ASPSCR1: variants seen among roughly 807,000 people sequenced by gnomAD.
The protein encoded by ASPSCR1 is ASPSCR1 tether for SLC2A4, UBX domain containing.
A neutral mutation model predicts 68.9 loss-of-function variants in ASPSCR1; 55 were observed. The ratio of observed to expected loss-of-function variants is 0.80; its 90% CI spans 0.64 to 1.00. ASPSCR1 has a LOEUF of 1.00. Among genes scored for constraint, ASPSCR1 ranks in the 50% least tolerant of loss-of-function variants. ASPSCR1 has a pLI of 0.00. For synonymous variants in ASPSCR1, 352 were observed against 332.6 expected, an observed-to-expected ratio of 1.06 and a Z score of -0.63; for missense variants, 765 against 762.2, an observed-to-expected ratio of 1.00 and a Z score of -0.04.
intron 2 of ASPSCR1, 57 bp downstream of exon 2, chr17:81,979,296 G>C: frequency 1.3e-6 from 2 of 1,564,786 alleles, no homozygotes; most frequent in East Asian, 4.5e-5. Flanking sequence ...CCTGCCCCCT[G>C]AACATACTGG....
In ASPSCR1 at chr17:81,983,052, C is replaced by T. The variant is rs986762644; in HGVS notation, c.159-502C>T. 1.3e-5 allele frequency among the ~76,000 whole-genome samples: 2 copies of T among 152,176 alleles called. No individual in the cohort carries two copies. Among genetic ancestry groups the T allele is most frequent in the Admixed American group, 6.5e-5 (1 of 15,270 alleles). On this transcript the variant is annotated intron_variant, in intron 2 of 15. Transcript: ENST00000306739. The surrounding 1 kb of genome is among the most constrained non-coding windows in gnomAD (Gnocchi z 4.4). ...AGAGACGGGGTTTCACCATGTTGGT[C>T]AGGCTTGTCTCAAACTCCTGAACCT...
rs151281652 is a variant in ASPSCR1 at position 81,983,412 on chromosome 17, C to T, written c.159-142C>T. On this transcript the variant is annotated intron_variant, in intron 2 of 15. Transcript: ENST00000306739. This position sits in a 1 kb window ranked among gnomAD's most constrained non-coding sequence, Gnocchi z 4.4. ...TGTGCCTCTGCAGGTCATGACGTCC[C>T]GCTGTTGGGGAGCTGCCACAGGACG... is the stretch of plus-strand genomic sequence containing the variant. 403 of 680,056 alleles carry T rather than the reference C, an allele frequency of 5.9e-4. 2 individuals carry two copies. In the African/African-American group the frequency reaches 6.4e-3, roughly 11 times the overall value. 42.1% of individuals were successfully genotyped at this position (680,056 alleles called of 1,614,324 possible). A position where few individuals can be genotyped will look rare whatever the true frequency, so the allele number is the denominator to read the frequency against.
intron 11 of ASPSCR1, 21 bp from the exon 12 acceptor site, chr17:82,012,210 G>A (rs749958842): frequency 3.7e-6 from 6 of 1,612,314 alleles, no homozygotes; most frequent in South Asian, 2.2e-5. Flanking sequence ...TTCCTAACAC[G>A]TAGGTGCCTT....
chr17:81,983,767 G>GTT lies in ASPSCR1; in HGVS notation c.273+99_273+100insTT. ...ACAGTGGGGGGTGCTGGGGAAGGAG[G>GTT]GACATGAGTCTTAGCACCAGTTCTG... On this transcript the variant is annotated intron_variant, in intron 3 of 15. Transcript: ENST00000306739. The surrounding 1 kb of genome is among the most constrained non-coding windows in gnomAD (Gnocchi z 4.4). 9.6e-7 allele frequency: 1 copy of GTT among 1,040,432 alleles called. No individual in the cohort carries two copies. The highest frequency in any genetic ancestry group is 1.4e-6 in the Non-Finnish European group (1 of 698,676). The allele number at this position is 1,040,432 out of a possible 1,614,324, so 64.5% of individuals were successfully genotyped here. A position where few individuals can be genotyped will look rare whatever the true frequency, so the allele number is the denominator to read the frequency against.
intron 10 of ASPSCR1, among the ~76,000 whole-genome samples, chr17:82,011,303 G>GTGGGGC (rs1490210467): frequency 6.6e-6 from 1 of 151,158 alleles, no homozygotes; most frequent in Non-Finnish European, 1.5e-5. Flanking sequence ...TGGGGCGGGG[G>GTGGGGC]TGGGGCTGGG....
chr17:81,994,275 C>A (rs936148051), intron 4 of ASPSCR1, among the ~76,000 whole-genome samples: 1 of 152,234 alleles, frequency 6.6e-6, no homozygotes. Flanking sequence ...ACGGCCTCCC[C>A]GGCCACAGGC....
chr17:82,015,266 C>T (rs2043083126), intron 12 of ASPSCR1: 2 of 1,598,266 alleles, frequency 1.3e-6, no homozygotes, highest in Non-Finnish European at 1.7e-6. Flanking sequence ...GCCACCCAGT[C>T]TGCCGACCCT....
Position 82,017,361 on chromosome 17 carries a change from G to A in ASPSCR1, c.*39G>A. 1 of 1,612,212 alleles carries A rather than the reference G, an allele frequency of 6.2e-7. No individual in the cohort carries two copies. Among genetic ancestry groups the A allele is most frequent in the Non-Finnish European group, 8.5e-7 (1 of 1,179,824 alleles). ...GAGGTGCCCACTCCGCCAGCCACAG[G>A]ACCACCTCCTCTGCCAGCAGGAATA... On this transcript the variant is annotated 3_prime_UTR_variant, in exon 16 of 16. Coordinates refer to ENST00000306739, the MANE Select transcript of ASPSCR1 (RefSeq NM_024083.4).
In ASPSCR1 at chr17:82,016,935, C is replaced by T. The variant is rs2043151806; in HGVS notation, c.1476-6C>T. ...CTCACCACTCTGTGTCTTCGCCTCC[C>T]CACAGGTACATGTCCAGGGCCGCCG... is the stretch of plus-strand genomic sequence containing the variant. On this transcript the variant is annotated splice_polypyrimidine_tract_variant and splice_region_variant and intron_variant, in intron 14 of 15. Coordinates refer to ENST00000306739, the MANE Select transcript of ASPSCR1 (RefSeq NM_024083.4). The T allele has an allele frequency of 3.1e-6, 5 of 1,610,932 alleles. No homozygotes were observed. Among genetic ancestry groups the T allele is most frequent in the Non-Finnish European group, 4.2e-6 (5 of 1,178,518 alleles).
chr17:82,016,157 C>G (rs2144107771), intron 12 of ASPSCR1: 1 of 374,934 alleles, frequency 2.7e-6, no homozygotes, highest in East Asian at 4.3e-5. Flanking sequence ...ACGCCTGGCC[C>G]CACCTTCCTC....
intron 6 of ASPSCR1, 40 bp from the exon 7 acceptor site, chr17:81,996,380 G>A: frequency 6.5e-7 from 1 of 1,536,332 alleles, no homozygotes; most frequent in Non-Finnish European, 8.8e-7. Context: ...CCGGGGGTAG[G>A]CACCACAAGG....
rs757798466 is a variant in ASPSCR1, at chr17:81,996,015, G to A, written c.456G>A (p.Arg152=). Residue 152 remains arginine, a synonymous_variant, in exon 6 of 16, where the codon CGG becomes CGA. Coordinates refer to ENST00000306739, the MANE Select transcript of ASPSCR1 (RefSeq NM_024083.4). The part of the protein sequence containing the change: ...RDEVTGEAAL[R]GTTLQSLGLT... ...AGGTGACGGGTGAAGCTGCCCTGCG[G>A]GGCACGACGCTGCAGTCGCTGGGCC... 1.9e-6 allele frequency: 3 copies of A among 1,610,482 alleles called. No homozygotes were observed. Among genetic ancestry groups the A allele is most frequent in the South Asian group, 1.1e-5 (1 of 90,506 alleles).
At position 82,015,562 on chromosome 17, in the gene ASPSCR1, C is replaced by T. The variant is rs192205332; in HGVS notation, c.1354-914C>T. 6.2e-3 allele frequency: 4,285 copies of T among 692,344 alleles called. 139 individuals carry two copies. In the African/African-American group the frequency reaches 0.069, roughly 11 times the overall value. The allele number at this position is 692,344 out of a possible 1,614,324, so 42.9% of individuals were successfully genotyped here. ...ACCAGGTGCCTCTCTGCATCGGTGG[C>T]CTCTGAGGGAGCCCTCTCGCCCGGC... On this transcript the variant is annotated intron_variant, in intron 12 of 15. Coordinates refer to ENST00000306739, the MANE Select transcript of ASPSCR1 (RefSeq NM_024083.4).
At chr17:81,993,114 G>T (rs2144033872) in intron 4 of ASPSCR1, among the ~76,000 whole-genome samples, 1 of 152,300 alleles carries the variant, frequency 6.6e-6, no homozygotes, top group South Asian at 2.1e-4. Context: ...GAGTCCCCAG[G>T]TGTCGGGGCT....
rs374499838 is a variant in ASPSCR1 at position 82,017,339 on chromosome 17, G to A, written c.*17G>A. 5 of 1,611,270 alleles carry A rather than the reference G, an allele frequency of 3.1e-6. No homozygotes were observed. In the African/African-American group the frequency reaches 4.0e-5, roughly 13 times the overall value. ...AAGAGGTGAGAGCTGCCAGCCTGAGGTGCCCACTCCGCCAGCCACAGGACC... is the reference window on the plus strand; with the variant it reads ...AAGAGGTGAGAGCTGCCAGCCTGAGATGCCCACTCCGCCAGCCACAGGACC... On this transcript the variant is annotated 3_prime_UTR_variant, in exon 16 of 16. Coordinates refer to ENST00000306739, the MANE Select transcript of ASPSCR1 (RefSeq NM_024083.4).
At chr17:81,988,554 C>G (rs554557291) in intron 4 of ASPSCR1, among the ~76,000 whole-genome samples, 1 of 152,292 alleles carries the variant, frequency 6.6e-6, no homozygotes, top group African/African-American at 2.4e-5. Flanking sequence ...CCGGAGCCCC[C>G]AGCCTGCGGC....
In ASPSCR1 at chr17:81,977,759, C is replaced by CTT; in HGVS notation, c.102+11_102+12insTT. On this transcript the variant is annotated intron_variant, in intron 1 of 15. Coordinates refer to ENST00000306739, the MANE Select transcript of ASPSCR1 (RefSeq NM_024083.4). This position sits in a 1 kb window ranked among gnomAD's most constrained non-coding sequence, Gnocchi z 5.0. ...ACCGTGCTGCTTCAGGTGCGGCCGC[C>CTT]CGCCCGGGGCGGACGGGTAGGCGGG... The CTT allele has an allele frequency of 8.2e-7, 1 of 1,224,916 alleles. No individual in the cohort carries two copies. The highest frequency in any genetic ancestry group is 1.0e-6 in the Non-Finnish European group (1 of 982,246). The allele number at this position is 1,224,916 out of a possible 1,614,324, so 75.9% of individuals were successfully genotyped here.
chr17:82,016,194 C>T (rs1037523525), intron 12 of ASPSCR1: 12 of 481,102 alleles, frequency 2.5e-5, no homozygotes, highest in African/African-American at 1.7e-4. Context: ...GGAGGGAGGA[C>T]GGTGATGCTG....
At chr17:82,011,651 C>T (rs774273592) in intron 11 of ASPSCR1, 46 bp downstream of exon 11, 1 of 1,589,162 alleles carries the variant, frequency 6.3e-7, no homozygotes, top group East Asian at 2.3e-5. Flanking sequence ...GTGCTCGGGG[C>T]CTTGGTGCTG....
Sources: gnomAD v4.1 joint callset for allele counts (sites outside exome capture counted in the v4.1 genomes callset) on GRCh38, gnomAD v4.1.1 for gene constraint, Gnocchi (gnomAD v3.1) non-coding constraint, MANE v1.5 for transcripts, NCBI Gene and HGNC (gene_info 2026-07-23, HGNC 2026-07-21) for gene names.